Variants in PLCZ1 observed in about 807,000 individuals in gnomAD.
PLCZ1 encodes the protein 1-phosphatidylinositol 4,5-bisphosphate phosphodiesterase zeta-1.
Under a neutral mutation model 76.8 loss-of-function variants are expected in PLCZ1, and 64 were observed. The ratio of observed to expected loss-of-function variants is 0.83; its 90% CI spans 0.68 to 1.03. PLCZ1 has a LOEUF of 1.03. PLCZ1 is among the 50% of genes least tolerant of loss of function. PLCZ1 has a pLI of 0.00. For synonymous variants in PLCZ1, 248 were observed against 230.8 expected (o/e 1.07, Z -0.68); for missense variants, 751 against 713.7 (o/e 1.05, Z -0.60).
intron 14 of PLCZ1, chr12:18,683,703 C>G: frequency 9.2e-7 from 1 of 1,092,694 alleles, no homozygotes; most frequent in Non-Finnish European, 1.2e-6. Flanking sequence ...AAAGGTGACT[C>G]TGCAACATAA....
the PLCZ1 span, among the ~76,000 whole-genome samples, chr12:18,676,970 G>A: frequency 1.2e-3 from 177 of 152,130 alleles, 2 homozygotes; most frequent in Middle Eastern, 6.8e-3. Context: ...AGAACATCTG[G>A]TTCAAACAAC....
In PLCZ1 at chr12:18,719,534, C is replaced by A. The variant is rs1256344296; in HGVS notation, c.466G>T (p.Asp156Tyr). ...FKNECRKVYQ[D>Y]MTHPLNDYFI... Reference sequence around the variant, plus strand: ...TAATCATTTAATGGATGAGTCATATCTTGATAAACTTTTCTACATTCATTT... The same window carrying A: ...TAATCATTTAATGGATGAGTCATATATTGATAAACTTTTCTACATTCATTT... Residue 156 changes from aspartate to tyrosine, a missense_variant, in exon 5 of 15, where the codon GAT (aspartate) becomes TAT (tyrosine). Coordinates refer to ENST00000266505, the MANE Select transcript of PLCZ1 (RefSeq NM_033123.4). 3 of 1,596,196 alleles carry A rather than the reference C, an allele frequency of 1.9e-6. No individual in the cohort carries two copies. The highest frequency in any genetic ancestry group is 2.6e-6 in the Non-Finnish European group (3 of 1,168,060).
At chr12:18,683,429 A>C (rs1952625304) in intron 14 of PLCZ1, 105 bp from the exon 15 acceptor site, 1 of 1,452,738 alleles carries the variant, frequency 6.9e-7, no homozygotes, top group East Asian at 2.3e-5. Flanking sequence ...TACATTAAAA[A>C]CCATGACTAT....
At chr12:18,699,591 C>T (rs963195062) in intron 10 of PLCZ1, among the ~76,000 whole-genome samples, 1 of 151,986 alleles carries the variant, frequency 6.6e-6, no homozygotes, top group Non-Finnish European at 1.5e-5. Flanking sequence ...AATGTCATGG[C>T]TTAGGAAAGT....
the PLCZ1 span, among the ~76,000 whole-genome samples, chr12:18,656,606 T>C: frequency 2.0e-5 from 3 of 152,098 alleles, no homozygotes; most frequent in East Asian, 5.8e-4. Flanking sequence ...CATGGTTACA[T>C]GCACCTGGTG....
intron 6 of PLCZ1, among the ~76,000 whole-genome samples, chr12:18,709,150 A>G (rs902660752): frequency 2.6e-5 from 4 of 152,072 alleles, no homozygotes; most frequent in African/African-American, 7.2e-5. Flanking sequence ...AGTTTCTAAT[A>G]TTATATGTAA....
At chr12:18,680,669 T>G (rs1952327744), downstream of PLCZ1, among the ~76,000 whole-genome samples, 1 of 152,054 alleles carries the variant, frequency 6.6e-6, no homozygotes, top group African/African-American at 2.4e-5. Flanking sequence ...AGTCAGAATT[T>G]GTCCAGCCAA....
chr12:18,693,762 T>C (rs998986421), intron 12 of PLCZ1: 3 of 1,518,052 alleles, frequency 2.0e-6, no homozygotes, highest in South Asian at 1.1e-5. Context: ...AAAGCTATCA[T>C]GGCCACAAAC....
the PLCZ1 span, among the ~76,000 whole-genome samples, chr12:18,651,791 G>A: frequency 3.5e-4 from 54 of 152,292 alleles, no homozygotes; most frequent in African/African-American, 1.0e-3. Context: ...GTATATGAAT[G>A]TCGCTGGAAT....
chr12:18,708,570 T>C (rs758851975), intron 6 of PLCZ1, among the ~76,000 whole-genome samples: 25 of 152,182 alleles, frequency 1.6e-4, no homozygotes, highest in Admixed American at 4.6e-4. Context: ...TTTTTATTTC[T>C]TTAGAAACCT....
the PLCZ1 span, among the ~76,000 whole-genome samples, chr12:18,673,789 T>G: frequency 6.6e-6 from 1 of 152,188 alleles, no homozygotes; most frequent in Non-Finnish European, 1.5e-5. Context: ...TTGGAAGCAT[T>G]CAGCTCCTCA....
chr12:18,660,450 C>T, the PLCZ1 span, among the ~76,000 whole-genome samples: 689 of 152,206 alleles, frequency 4.5e-3, 8 homozygotes, highest in African/African-American at 0.015. Flanking sequence ...AAAGGGCCAG[C>T]GCCTCGGCAC....
At chr12:18,655,641 C>T in the PLCZ1 span, among the ~76,000 whole-genome samples, 1 of 151,834 alleles carries the variant, frequency 6.6e-6, no homozygotes, top group Non-Finnish European at 1.5e-5. Context: ...AGGTCAATAT[C>T]AACAGTGGAA....
chr12:18,718,501 T>C (rs1958223285), intron 5 of PLCZ1, among the ~76,000 whole-genome samples: 1 of 152,138 alleles, frequency 6.6e-6, no homozygotes, highest in African/African-American at 2.4e-5. Context: ...CCTCCCTTCA[T>C]TCACCATTGA....
intron 12 of PLCZ1, among the ~76,000 whole-genome samples, chr12:18,692,041 A>T (rs985241819): frequency 8.5e-4 from 129 of 152,254 alleles, no homozygotes; most frequent in African/African-American, 2.9e-3. Context: ...CGATGGTGGA[A>T]AAAGGAGCTG....
At chr12:18,707,293 A>T (rs1790096193) in intron 6 of PLCZ1, among the ~76,000 whole-genome samples, 1 of 152,108 alleles carries the variant, frequency 6.6e-6, no homozygotes, top group African/African-American at 2.4e-5. Context: ...GAGTCCACTG[A>T]CTCACTCTGA....
At chr12:18,667,014 T>C in the PLCZ1 span, among the ~76,000 whole-genome samples, 1 of 152,148 alleles carries the variant, frequency 6.6e-6, no homozygotes, top group Non-Finnish European at 1.5e-5. Context: ...ATACCGTTTC[T>C]CAATAATGGT....
At chr12:18,692,624 G>A (rs972485577) in intron 12 of PLCZ1, 8 of 576,866 alleles carry the variant, frequency 1.4e-5, no homozygotes, top group Admixed American at 1.3e-4. Flanking sequence ...GAGGTCAACC[G>A]CAATGGGGCA....
intron 3 of PLCZ1, among the ~76,000 whole-genome samples, chr12:18,733,048 G>A (rs927129146): frequency 1.2e-4 from 18 of 152,108 alleles, no homozygotes; most frequent in Non-Finnish European, 4.4e-5. Context: ...TTTCCACAAG[G>A]TTGTACCAGT....
Sources: gnomAD v4.1 joint callset for allele counts (sites outside exome capture counted in the v4.1 genomes callset) on GRCh38, gnomAD v4.1.1 for gene constraint, MANE v1.5 for transcripts, NCBI Gene and HGNC (gene_info 2026-07-23, HGNC 2026-07-21) for gene names.